AEBP2: variants seen among roughly 807,000 people sequenced by gnomAD.
The protein encoded by AEBP2 is AE binding protein 2.
In AEBP2, 10 loss-of-function variants were observed where a neutral mutation model predicts 50.8. That is an observed-to-expected ratio of 0.20 (90% confidence interval 0.12 to 0.33). The LOEUF (loss-of-function observed/expected upper bound fraction) is 0.33. AEBP2 is among the 10% of genes least tolerant of loss of function. The pLI, the probability that AEBP2 is intolerant of heterozygous loss-of-function variation, is 1.00. For missense variants in AEBP2, 570 were observed against 688.0 expected (o/e 0.83, Z 1.92); for synonymous variants, 296 against 261.3 (o/e 1.13, Z -1.28).
intron 1 of AEBP2, among the ~76,000 whole-genome samples, chr12:19,416,351 G>C (rs1174715475): frequency 6.6e-6 from 1 of 152,022 alleles, no homozygotes; most frequent in South Asian, 2.1e-4. Flanking sequence ...TCTAAGTTTT[G>C]AGCTTTTTGC....
intron 4 of AEBP2, among the ~76,000 whole-genome samples, chr12:19,495,063 G>A (rs1427193578): frequency 6.6e-6 from 1 of 152,038 alleles, no homozygotes; most frequent in South Asian, 2.1e-4. Context: ...CCGCCACCAC[G>A]ACTGGCTAAT....
chr12:19,433,667 C>G (rs1223383466), intron 1 of AEBP2, among the ~76,000 whole-genome samples: 1 of 151,680 alleles, frequency 6.6e-6, no homozygotes. Context: ...GTGATCCCAG[C>G]TACTCGGGAG....
At chr12:19,499,643 A>G (rs570229268) in intron 4 of AEBP2, among the ~76,000 whole-genome samples, 6 of 151,984 alleles carry the variant, frequency 3.9e-5, no homozygotes, top group Admixed American at 2.0e-4. Context: ...CCTCAAAATA[A>G]TATTATTGTA....
chr12:19,480,187 C>T (rs1265421419), intron 3 of AEBP2, among the ~76,000 whole-genome samples: 2 of 152,150 alleles, frequency 1.3e-5, no homozygotes, highest in African/African-American at 2.4e-5. Flanking sequence ...ACTGCAACCT[C>T]AGCCTCTTGG....
At chr12:19,456,016 T>G (rs1486977050) in intron 1 of AEBP2, among the ~76,000 whole-genome samples, 3 of 152,136 alleles carry the variant, frequency 2.0e-5, no homozygotes, top group African/African-American at 7.2e-5. Flanking sequence ...TCAAGTTGTT[T>G]CCATTAAAAA....
chr12:19,430,024 T>C (rs1267328741), intron 1 of AEBP2, among the ~76,000 whole-genome samples: 1 of 152,156 alleles, frequency 6.6e-6, no homozygotes, highest in African/African-American at 2.4e-5. Context: ...CCATTGCTTT[T>C]GGTGTTTTAG....
chr12:19,496,836 A>G (rs903572783), intron 4 of AEBP2, among the ~76,000 whole-genome samples: 6 of 148,520 alleles, frequency 4.0e-5, no homozygotes, highest in Admixed American at 2.7e-4. Flanking sequence ...TAATTTTTGT[A>G]TTTTTTTTTG....
intron 5 of AEBP2, among the ~76,000 whole-genome samples, chr12:19,501,016 AAT>A (rs1322774947): frequency 6.6e-6 from 1 of 152,146 alleles, no homozygotes; most frequent in Non-Finnish European, 1.5e-5. Flanking sequence ...ATCTCTGAAA[AAT>A]ATGTGTTTAA....
chr12:19,451,644 G>C lies in AEBP2; in HGVS notation c.672-10866G>C, dbSNP rs1387183842. On this transcript the variant is annotated intron_variant, in intron 1 of 7. Transcript: ENST00000266508. ...CACACCTATTAGTGCTGTATAATAA[G>C]AGGAGTTAAGGATGGGGTCTTTCAA... is the stretch of plus-strand genomic sequence containing the variant. Among the ~76,000 whole-genome samples, 3 of 151,878 alleles carry C rather than the reference G, an allele frequency of 2.0e-5. No homozygotes were observed. The East Asian group carries it at 5.8e-4, about 29-fold the overall frequency.
intron 2 of AEBP2, among the ~76,000 whole-genome samples, chr12:19,464,308 C>G (rs1948432354): frequency 6.6e-6 from 1 of 151,912 alleles, no homozygotes; most frequent in Non-Finnish European, 1.5e-5. Flanking sequence ...TGAGCCAGTG[C>G]TTGATGTCAC....
chr12:19,407,353 C>A (rs2095736864), intron 1 of AEBP2, among the ~76,000 whole-genome samples: 1 of 151,826 alleles, frequency 6.6e-6, no homozygotes, highest in East Asian at 1.9e-4. Context: ...GGTCTGTAGC[C>A]CGGGCGCAAT....
At chr12:19,441,295 A>G (rs1453855126) in intron 1 of AEBP2, among the ~76,000 whole-genome samples, 1 of 152,218 alleles carries the variant, frequency 6.6e-6, no homozygotes, top group African/African-American at 2.4e-5. Context: ...AAAAAGTGTG[A>G]TAGTGTATGT....
chr12:19,508,524 A>G (rs1395671808), intron 5 of AEBP2, among the ~76,000 whole-genome samples: 3 of 152,206 alleles, frequency 2.0e-5, no homozygotes, highest in Admixed American at 2.0e-4. Flanking sequence ...CTAAAGTTCT[A>G]ATTTTGTTTA....
intron 1 of AEBP2, among the ~76,000 whole-genome samples, chr12:19,425,348 T>G (rs1021490023): frequency 3.3e-5 from 5 of 152,322 alleles, no homozygotes; most frequent in Admixed American, 3.3e-4. Context: ...AAATGTGTTT[T>G]GTATTGGTGA....
At position 19,521,484 on chromosome 12, in the gene AEBP2, A is replaced by T. The variant is rs760394316; in HGVS notation, c.*3367A>T. The stretch of plus-strand genomic sequence containing the variant: ...ACCGTAAGGCACATCTGCTTTATCT[A>T]AAAGAATCTTAAGGTGGAAATAGTG... On this transcript the variant is annotated 3_prime_UTR_variant, in exon 8 of 8. Transcript: ENST00000266508. 1 of 152,170 alleles carries T rather than the reference A, an allele frequency of 6.6e-6. No individual in the cohort carries two copies. Among genetic ancestry groups the T allele is most frequent in the Admixed American group, 6.6e-5 (1 of 15,264 alleles). The allele number at this position is 152,170 out of a possible 1,614,324, so 9.4% of individuals were successfully genotyped here.
intron 1 of AEBP2, chr12:19,456,347 C>T: frequency 7.1e-7 from 1 of 1,405,176 alleles, no homozygotes. Flanking sequence ...CTGTCTGTCT[C>T]ATATCATGAA....
chr12:19,413,040 T>A, intron 1 of AEBP2: 1 of 465,094 alleles, frequency 2.2e-6, no homozygotes, highest in Non-Finnish European at 4.0e-6. Context: ...TGGAGCGGGC[T>A]CGTCCTGGCG....
intron 3 of AEBP2, among the ~76,000 whole-genome samples, chr12:19,485,964 TTTTTC>T (rs201036260): frequency 5.2e-4 from 78 of 149,822 alleles, no homozygotes; most frequent in African/African-American, 1.0e-3. Context: ...TTTTTTTTTT[TTTTTC>T]ATTTTGTTTG....
chr12:19,503,019 G>A (rs544405565), intron 5 of AEBP2, among the ~76,000 whole-genome samples: 9 of 152,268 alleles, frequency 5.9e-5, no homozygotes, highest in African/African-American at 1.7e-4. Context: ...TTGAAGTCGG[G>A]TAAGGTGGTG....
Sources: allele counts gnomAD v4.1 joint callset (sites outside exome capture counted in the v4.1 genomes callset), GRCh38; gene constraint gnomAD v4.1.1; transcripts MANE v1.5; gene names NCBI Gene and HGNC (gene_info 2026-07-23, HGNC 2026-07-21).